Variants in TTN observed in about 807,000 individuals in gnomAD.
TTN encodes the protein connectin.
TTN carries 1,525 observed loss-of-function variants against 3,223.0 expected under a neutral mutation model. That is an observed-to-expected ratio of 0.47 (90% CI 0.45 to 0.49). The LOEUF is 0.49. Ranked by LOEUF, TTN falls within the 20% of genes least tolerant of loss-of-function variation. The pLI is 0.00. For missense variants in TTN, 40,786 were observed against 43,424.0 expected, an observed-to-expected ratio of 0.94 and a Z score of 5.40; for synonymous variants, 14,094 against 15,161.0, an observed-to-expected ratio of 0.93 and a Z score of 5.17.
Position 178,739,253 on chromosome 2 carries a change from C to T in TTN, c.13980G>A (p.Thr4660=), listed in dbSNP as rs1384061855. The part of the protein sequence containing the change: ...FKCLQDQNTY[T]LVIDKVNTED... ...CGGTATTTACTTTGTCGATGACTAG[C>T]GTATATGTATTTTGATCTTGTAAAC... Residue 4660 remains threonine (T), a synonymous_variant, in exon 48 of 363, where the codon ACG becomes ACA. Coordinates refer to ENST00000589042, the MANE Select transcript of TTN (RefSeq NM_001267550.2). 8.7e-6 allele frequency: 14 copies of T among 1,605,794 alleles called. No individual in the cohort carries two copies. The highest frequency in any genetic ancestry group is 4.0e-5 in the African/African-American group (3 of 74,738).
rs1188269994 is a variant in TTN, at chr2:178,689,813, C to A, written c.31846G>T (p.Val10616Phe). Residue 10616 changes from valine (V) to phenylalanine (F), a missense_variant and splice_region_variant, in exon 122 of 363, where the codon GTT becomes TTT. Physicochemically the swap from Val to Phe is conservative, Grantham distance 50 (BLOSUM62 -1). Transcript: ENST00000589042. The part of the protein sequence containing the change: ...AKKKEAPPAK[V>F]PEVQKGVVTE... ...GGCTTTACGTCGAAAGCCACTGTAC[C>A]TTTAGCTGGGGGAGCTTCCTTTTTC... 1 of 1,607,870 alleles carries A rather than the reference C, an allele frequency of 6.2e-7. No individual in the cohort carries two copies. The highest frequency in any genetic ancestry group is 1.3e-5 in the African/African-American group (1 of 74,228).
rs755745899 is a variant in TTN, at chr2:178,611,677, C to T, written c.50552G>A (p.Ser16851Asn). The change falls in exon 269 of 363, where the codon AGT (serine) becomes AAT (asparagine). Residue 16851 changes from serine to asparagine, a missense_variant and splice_region_variant. Coordinates refer to ENST00000589042, the MANE Select transcript of TTN (RefSeq NM_001267550.2). ...TAGGTCAAGGGGTGGTGAGGGAGGACCTGAGAAAAGAGTGAAATATTCATA... is the reference window on the plus strand; with the variant it reads ...TAGGTCAAGGGGTGGTGAGGGAGGATCTGAGAAAAGAGTGAAATATTCATA... Reference protein sequence around the residue: ...TEILSIEDPTSPPSPPLDLHV... With the variant: ...TEILSIEDPTNPPSPPLDLHV... 1 of 1,612,476 alleles carries T rather than the reference C, an allele frequency of 6.2e-7. No individual in the cohort carries two copies. The highest frequency in any genetic ancestry group is 1.1e-5 in the South Asian group (1 of 90,954).
At chr2:178,651,792 G>C (rs1377608522) in intron 205 of TTN, 43 bp from the exon 206 acceptor site, 1 of 1,608,042 alleles carries the variant, frequency 6.2e-7, no homozygotes, top group Non-Finnish European at 8.5e-7. Flanking sequence ...CGAAGATTGA[G>C]AAACAAGACA....
Position 178,527,755 on chromosome 2 carries a change from A to G in TTN, c.107378-7T>C. On this transcript the variant is annotated splice_polypyrimidine_tract_variant and splice_region_variant and intron_variant, in intron 361 of 362. Coordinates refer to ENST00000589042, the MANE Select transcript of TTN (RefSeq NM_001267550.2). ...GAAGGTTCTTCAACTAGAGCTGTGG[A>G]GCATAGCAGATACACAGTGAACATC... The G allele has an allele frequency of 6.4e-7, 1 of 1,574,218 alleles. No individual in the cohort carries two copies. Among genetic ancestry groups the G allele is most frequent in the Non-Finnish European group, 8.6e-7 (1 of 1,158,524 alleles).
Position 178,570,988 on chromosome 2 carries a change from T to C in TTN, c.75144A>G (p.Leu25048=). The change falls in exon 326 of 363, where the codon TTA becomes TTG. Residue 25048 remains leucine, a synonymous_variant. Transcript: ENST00000589042. ...TGGCTTTCATCCAACGGCCCTCAGGTAATTCTTTCTTCTCAACAATATAAC... is the reference window on the plus strand; with the variant it reads ...TGGCTTTCATCCAACGGCCCTCAGGCAATTCTTTCTTCTCAACAATATAAC... ...ITGYIVEKKE[L]PEGRWMKASF... 6.2e-7 allele frequency: 1 copy of C among 1,613,402 alleles called. No homozygotes were observed. Among genetic ancestry groups the C allele is most frequent in the Non-Finnish European group, 8.5e-7 (1 of 1,179,538 alleles).
rs775371086 is a variant in TTN at position 178,609,957 on chromosome 2, C to T, written c.51466G>A (p.Val17156Ile). The T allele has an allele frequency of 1.2e-6, 2 of 1,612,462 alleles. No homozygotes were observed. Among genetic ancestry groups the T allele is most frequent in the Non-Finnish European group, 8.5e-7 (1 of 1,179,082 alleles). ...ATTGCCTCCGCTGTAGGATTATGAA[C>T]CTCTACATCTACAGGTGGATCAGGG... The part of the protein sequence containing the change: ...QPPDPPVDVE[V>I]HNPTAEAMTI... The change falls in exon 272 of 363, where the codon GTT becomes ATT. Residue 17156 changes from valine to isoleucine, a missense_variant. Transcript: ENST00000589042.
Position 178,556,998 on chromosome 2 carries a change from T to C in TTN, c.88156A>G (p.Ser29386Gly). ...DLPDGRWTKA[S>G]FTNVTETQFI... ...TGAGTTTCAGTAACATTGGTGAAGC[T>C]GGCCTTGGTCCATCTGCCATCTGGA... Residue 29386 changes from serine (S) to glycine (G), a missense_variant, in exon 330 of 363, where the codon AGC becomes GGC. Ser to Gly is a moderately conservative substitution (Grantham distance 56, BLOSUM62 0). Coordinates refer to ENST00000589042, the MANE Select transcript of TTN (RefSeq NM_001267550.2). The C allele has an allele frequency of 6.2e-7, 1 of 1,613,812 alleles. No homozygotes were observed. The highest frequency in any genetic ancestry group is 8.5e-7 in the Non-Finnish European group (1 of 1,179,824).
At chr2:178,669,291 T>C (rs2066536303) in intron 159 of TTN, 82 bp downstream of exon 159, 1 of 1,168,594 alleles carries the variant, frequency 8.6e-7, no homozygotes, top group South Asian at 1.5e-5. Flanking sequence ...GTATATTTAC[T>C]TTTCAAAGCT....
chr2:178,715,529 C>T lies in TTN; in HGVS notation c.25885G>A (p.Gly8629Ser), dbSNP rs2077356013. The T allele has an allele frequency of 6.2e-7, 1 of 1,613,084 alleles. No individual in the cohort carries two copies. The highest frequency in any genetic ancestry group is 1.1e-5 in the South Asian group (1 of 91,070). Residue 8629 changes from glycine to serine, a missense_variant, in exon 89 of 363, where the codon GGC becomes AGC. By Grantham distance (56) the Gly-to-Ser change is moderately conservative (BLOSUM62 0). Coordinates refer to ENST00000589042, the MANE Select transcript of TTN (RefSeq NM_001267550.2). ...AAGGATGTGCTGCTGCTGGCACTGC[C>T]TGCTGCATTGTGGGCCTCACAGGTG... is the stretch of plus-strand genomic sequence containing the variant. ...DYTCEAHNAA[G>S]SASSSTSLKV...
In TTN at chr2:178,780,995, G is replaced by A; in HGVS notation, c.3523+126C>T. 4.7e-6 allele frequency: 6 copies of A among 1,269,812 alleles called. No individual in the cohort carries two copies. In the South Asian group the frequency reaches 6.3e-5, roughly 13 times the overall value. 78.7% of individuals were successfully genotyped at this position (1,269,812 alleles called of 1,614,324 possible). ...CTAAAACATTTTCCATACAACTGAG[G>A]CAAAGACACTGGGGCAAAGTATCAG... is the stretch of plus-strand genomic sequence containing the variant. On this transcript the variant is annotated intron_variant, in intron 21 of 362. Transcript: ENST00000589042.
Position 178,719,737 on chromosome 2 carries a change from A to G in TTN, c.23755T>C (p.Ser7919Pro). ...ECVVTGTPEL[S>P]AKWFKDGREL... ...CTTCCATCTTTGAACCACTTGGCTG[A>G]GAGTTCTGGTGTTCCAGTCACTACA... The change falls in exon 82 of 363, where the codon TCA (serine) becomes CCA (proline). Residue 7919 changes from serine to proline, a missense_variant. Ser to Pro is a moderately conservative substitution (Grantham distance 74, BLOSUM62 -1). Coordinates refer to ENST00000589042, the MANE Select transcript of TTN (RefSeq NM_001267550.2). 2 of 1,613,704 alleles carry G rather than the reference A, an allele frequency of 1.2e-6. No individual in the cohort carries two copies. The highest frequency in any genetic ancestry group is 1.7e-6 in the Non-Finnish European group (2 of 1,179,706).
At chr2:178,761,670 T>C (rs573055190) in intron 43 of TTN, among the ~76,000 whole-genome samples, 2 of 152,280 alleles carry the variant, frequency 1.3e-5, no homozygotes, top group Admixed American at 6.5e-5. Context: ...CCTTGGGATA[T>C]AGTTGTGTGC....
Position 178,534,575 on chromosome 2 carries a change from G to A in TTN, c.102040C>T (p.Pro34014Ser), listed in dbSNP as rs775271604. ...LVYVLLSGIN[P>S]FLAETNQQII... is the part of the protein sequence containing the mutation. ...TGTTGGTTAGTTTCAGCCAGGAATG[G>A]GTTGATACCACTCAATAGCACATAT... Residue 34014 changes from proline to serine, a missense_variant, in exon 358 of 363, where the codon CCA (proline) becomes TCA (serine). By Grantham distance (74) the Pro-to-Ser change is moderately conservative. Transcript: ENST00000589042. 2 of 1,613,844 alleles carry A rather than the reference G, an allele frequency of 1.2e-6. No homozygotes were observed. Among genetic ancestry groups the A allele is most frequent in the Non-Finnish European group, 1.7e-6 (2 of 1,179,798 alleles).
chr2:178,773,293 G>A lies in TTN; in HGVS notation c.7671C>T (p.Ser2557=), dbSNP rs1373661316. The change falls in exon 33 of 363, where the codon TCC becomes TCT. Residue 2557 remains serine (S), a synonymous_variant. Transcript: ENST00000589042. The part of the protein sequence containing the change: ...TQNVVFEVEL[S]HSGIDVLWNF... ...TCCACAGGACATCAATTCCAGAGTG[G>A]GACAGCTCAACCTCAAACACCACAT... The A allele has an allele frequency of 6.2e-7, 1 of 1,613,826 alleles. No individual in the cohort carries two copies. The highest frequency in any genetic ancestry group is 8.5e-7 in the Non-Finnish European group (1 of 1,179,952).
intron 352 of TTN, 29 bp downstream of exon 352, chr2:178,539,353 T>C (rs745809196): frequency 6.2e-7 from 1 of 1,601,580 alleles, no homozygotes; most frequent in East Asian, 2.2e-5. Context: ...AAATAATGTT[T>C]ATAATTTTGT....
chr2:178,771,188 AG>A (rs1473832685), intron 34 of TTN, 22 bp downstream of exon 34: 1 of 1,613,612 alleles, frequency 6.2e-7, no homozygotes, highest in Non-Finnish European at 8.5e-7. Context: ...TGATTTGAAA[AG>A]GACAAATCCT....
rs1343627713 is a variant in TTN, at chr2:178,713,989, A to G, written c.26669T>C (p.Ile8890Thr). The change falls in exon 92 of 363, where the codon ATC becomes ACC. Residue 8890 changes from isoleucine (I) to threonine (T), a missense_variant. Coordinates refer to ENST00000589042, the MANE Select transcript of TTN (RefSeq NM_001267550.2). ...FFNKVSGLKI[I>T]NVAPSDSGVY... is the part of the protein sequence containing the mutation. ...CCCACTGTCACTCGGTGCTACATTGATGATCTTAAGGCCGGATACTTTGTT... is the reference window on the plus strand; with the variant it reads ...CCCACTGTCACTCGGTGCTACATTGGTGATCTTAAGGCCGGATACTTTGTT... 3 of 1,613,530 alleles carry G rather than the reference A, an allele frequency of 1.9e-6. No homozygotes were observed. The highest frequency in any genetic ancestry group is 1.7e-6 in the Non-Finnish European group (2 of 1,179,702).
chr2:178,777,519 T>C lies in TTN; in HGVS notation c.4546A>G (p.Ile1516Val), dbSNP rs1184288875. Residue 1516 changes from isoleucine (I) to valine (V), a missense_variant, in exon 26 of 363, where the codon ATT becomes GTT. Coordinates refer to ENST00000589042, the MANE Select transcript of TTN (RefSeq NM_001267550.2). ...TCACTGGGTGTGGCAGGGACAATAA[T>C]TAGTGATTGAGTACCATCTTCTTTA... ...VIKEDGTQSLIIVPATPSDSG... is the reference protein window; with the variant it reads ...VIKEDGTQSLVIVPATPSDSG... 4.5e-5 allele frequency: 72 copies of C among 1,613,786 alleles called. No individual in the cohort carries two copies. Among genetic ancestry groups the C allele is most frequent in the Non-Finnish European group, 6.0e-5 (71 of 1,179,940 alleles).
chr2:178,776,073 G>T lies in TTN; in HGVS notation c.5791C>A (p.Gln1931Lys). 1 of 1,614,156 alleles carries T rather than the reference G, an allele frequency of 6.2e-7. No homozygotes were observed. The highest frequency in any genetic ancestry group is 8.5e-7 in the Non-Finnish European group (1 of 1,179,998). Residue 1931 changes from glutamine (Q) to lysine (K), a missense_variant, in exon 28 of 363, where the codon CAG (glutamine) becomes AAG (lysine). Coordinates refer to ENST00000589042, the MANE Select transcript of TTN (RefSeq NM_001267550.2). ...IEHKVKLEIQ[Q>K]REDFRSVLRR... Reference sequence around the variant, plus strand: ...AGGACAGACCTAAAATCTTCCCTCTGTTGAATCTCAAGCTTCACTTTATGC... The same window carrying T: ...AGGACAGACCTAAAATCTTCCCTCTTTTGAATCTCAAGCTTCACTTTATGC...
Sources: allele counts gnomAD v4.1 joint callset (sites outside exome capture counted in the v4.1 genomes callset), GRCh38; gene constraint gnomAD v4.1.1; transcripts MANE v1.5; gene names NCBI Gene and HGNC (gene_info 2026-07-23, HGNC 2026-07-21).